Variants in RORA observed in about 807,000 individuals in gnomAD.
RORA encodes the protein RAR related orphan receptor A, also known as nuclear receptor ROR-alpha.
A neutral mutation model predicts 69.5 loss-of-function variants in RORA; 7 were observed. That is an observed-to-expected ratio of 0.10 (90% CI 0.06 to 0.19). The LOEUF is 0.19. Among genes scored for constraint, RORA ranks in the 10% least tolerant of loss-of-function variants. The pLI, the probability that RORA is intolerant of heterozygous loss-of-function variation, is 1.00. For synonymous variants in RORA, 261 were observed against 240.8 expected (o/e 1.08, Z -0.78); for missense variants, 457 against 663.0 (o/e 0.69, Z 3.41).
At chr15:60,743,585 T>C (rs1463711638) in intron 1 of RORA, among the ~76,000 whole-genome samples, 3 of 152,176 alleles carry the variant, frequency 2.0e-5, no homozygotes, top group Non-Finnish European at 4.4e-5. Flanking sequence ...ATAAGTCTTA[T>C]AAAGGCAGAA....
chr15:60,717,199 C>T (rs1287575766), intron 1 of RORA, among the ~76,000 whole-genome samples: 6 of 152,138 alleles, frequency 3.9e-5, no homozygotes, highest in East Asian at 1.9e-4. Flanking sequence ...AAAACTCCCA[C>T]GCATGTGGTC....
At chr15:60,840,984 C>A (rs1390046334) in intron 1 of RORA, 4 of 505,342 alleles carry the variant, frequency 7.9e-6, no homozygotes, top group Non-Finnish European at 2.6e-6. Flanking sequence ...AGGGTAGCGA[C>A]AATACCACCT....
At chr15:60,583,328 TGA>T (rs1442815828) in intron 2 of RORA, among the ~76,000 whole-genome samples, 10 of 152,266 alleles carry the variant, frequency 6.6e-5, no homozygotes, top group African/African-American at 2.2e-4. Flanking sequence ...CAGGAAGCAC[TGA>T]TCAGCTTCCA....
intron 1 of RORA, among the ~76,000 whole-genome samples, chr15:60,832,584 T>G (rs528531581): frequency 4.6e-5 from 7 of 152,276 alleles, no homozygotes; most frequent in African/African-American, 1.4e-4. Context: ...ACTACTAATT[T>G]TTGAGGTTTG....
At chr15:60,755,063 C>T (rs571390605) in intron 1 of RORA, among the ~76,000 whole-genome samples, 2 of 150,880 alleles carry the variant, frequency 1.3e-5, no homozygotes, top group African/African-American at 4.9e-5. Flanking sequence ...ATACATGTGC[C>T]ATGTTGGTGT....
At chr15:61,202,009 C>CT (rs71861160) in intron 1 of RORA, among the ~76,000 whole-genome samples, 3 of 123,716 alleles carry the variant, frequency 2.4e-5, no homozygotes, top group African/African-American at 8.7e-5. Context: ...CCTGCTTGAT[C>CT]TTTTTTTTTT....
At chr15:61,212,124 G>A (rs939818631) in intron 1 of RORA, among the ~76,000 whole-genome samples, 2 of 152,114 alleles carry the variant, frequency 1.3e-5, no homozygotes, top group East Asian at 3.9e-4. Flanking sequence ...AGGGCAATAA[G>A]GAGACCTATC....
At chr15:60,653,749 C>T (rs1425509988) in intron 2 of RORA, among the ~76,000 whole-genome samples, 8 of 151,264 alleles carry the variant, frequency 5.3e-5, no homozygotes, top group Non-Finnish European at 1.2e-4. Flanking sequence ...ACTGTGTCTG[C>T]CTCTCAAGCC....
chr15:60,690,733 AC>A (rs1182280224), intron 1 of RORA, among the ~76,000 whole-genome samples: 1 of 152,192 alleles, frequency 6.6e-6, no homozygotes, highest in African/African-American at 2.4e-5. Flanking sequence ...GGATTAGGCA[AC>A]TGTTTTCAAG....
At chr15:60,655,662 A>C (rs1297732803) in intron 2 of RORA, among the ~76,000 whole-genome samples, 2 of 152,098 alleles carry the variant, frequency 1.3e-5, no homozygotes, top group Admixed American at 6.6e-5. Context: ...GTCTCCTACT[A>C]CTTCTACCTT....
At chr15:60,618,541 A>G (rs1400740298) in intron 2 of RORA, among the ~76,000 whole-genome samples, 2 of 152,214 alleles carry the variant, frequency 1.3e-5, no homozygotes, top group Non-Finnish European at 2.9e-5. Flanking sequence ...TGCCCCTACC[A>G]AATTTCAACT....
chr15:60,958,505 A>G (rs1448328049), intron 1 of RORA, among the ~76,000 whole-genome samples: 1 of 152,194 alleles, frequency 6.6e-6, no homozygotes, highest in Non-Finnish European at 1.5e-5. Context: ...TTAATTGCCT[A>G]GCGTAGATGC....
At chr15:61,115,195 C>T (rs782928) in intron 1 of RORA, among the ~76,000 whole-genome samples, 57,087 of 151,774 alleles carry the variant, frequency 0.38, 11,972 homozygotes, top group African/African-American at 0.55. Flanking sequence ...CCAGAGTCCA[C>T]CAGGGAGCTG....
Position 60,562,974 on chromosome 15 carries a change from C to T in RORA, c.197-31123G>A, listed in dbSNP as rs201108297. On this transcript the variant is annotated intron_variant, in intron 2 of 10. Coordinates refer to ENST00000335670, the MANE Select transcript of RORA (RefSeq NM_134261.3). ...AATTCACTTGTAACTGCTGTTAATC[C>T]GAGTGTACAAGGCAACTTCAATCTA... Among the ~76,000 whole-genome samples, 11 of 152,198 alleles carry T rather than the reference C, an allele frequency of 7.2e-5. No homozygotes were observed. In the East Asian group the frequency reaches 1.7e-3, roughly 24 times the overall value.
chr15:61,066,481 C>A (rs1317279071), intron 1 of RORA, among the ~76,000 whole-genome samples: 1 of 130,202 alleles, frequency 7.7e-6, no homozygotes, highest in African/African-American at 3.0e-5. Context: ...GGCTGGAGTG[C>A]AATGGTGCAA....
chr15:61,051,570 G>A (rs890848202), intron 1 of RORA, among the ~76,000 whole-genome samples: 1 of 152,106 alleles, frequency 6.6e-6, no homozygotes, highest in African/African-American at 2.4e-5. Context: ...GAATCCTATC[G>A]GGTATTTCAT....
intron 2 of RORA, among the ~76,000 whole-genome samples, chr15:60,557,458 G>A (rs1000670056): frequency 2.6e-5 from 4 of 152,170 alleles, no homozygotes; most frequent in African/African-American, 9.7e-5. Context: ...CAAAGTTTTG[G>A]CTGAGTTACT....
intron 1 of RORA, among the ~76,000 whole-genome samples, chr15:60,763,065 ATTTTTTTTTTTTTTTT>A (rs374433414): frequency 2.1e-5 from 1 of 48,368 alleles, no homozygotes; most frequent in Non-Finnish European, 3.9e-5. Flanking sequence ...ATATGCACAG[ATTTTTTTTTTTTTTTT>A]TTTTTTTTTT....
chr15:61,165,754 T>C (rs551243027), intron 1 of RORA, among the ~76,000 whole-genome samples: 3 of 152,228 alleles, frequency 2.0e-5, no homozygotes, highest in Admixed American at 1.3e-4. Context: ...AAGCTGAAAA[T>C]CTTCAACCCA....
Sources: gnomAD v4.1 joint callset for allele counts (sites outside exome capture counted in the v4.1 genomes callset) on GRCh38, gnomAD v4.1.1 for gene constraint, MANE v1.5 for transcripts, NCBI Gene and HGNC (gene_info 2026-07-23, HGNC 2026-07-21) for gene names.